FUBP3: variants seen among roughly 807,000 people sequenced by gnomAD.
FUBP3 encodes far upstream element binding protein 3, also known as far upstream element-binding protein 3.
FUBP3 carries 28 observed loss-of-function variants against 85.6 expected under a neutral mutation model. The ratio of observed to expected loss-of-function variants is 0.33; its 90% CI spans 0.24 to 0.45. FUBP3 has a LOEUF of 0.45. Ranked by LOEUF, FUBP3 falls within the 20% of genes least tolerant of loss-of-function variation. The pLI is 1.00. For synonymous variants in FUBP3, 271 were observed against 271.4 expected (o/e 1.00, Z 0.01); for missense variants, 583 against 755.1 (o/e 0.77, Z 2.67).
intron 10 of FUBP3, 105 bp from the exon 11 acceptor site, chr9:130,623,506 C>T (rs1413829222): frequency 2.7e-6 from 2 of 746,304 alleles, no homozygotes; most frequent in Non-Finnish European, 4.7e-6. Context: ...TCCTGTTGCC[C>T]CTTTTGGCAC....
chr9:130,632,109 C>G, intron 15 of FUBP3, 87 bp downstream of exon 15: 2 of 1,465,974 alleles, frequency 1.4e-6, no homozygotes, highest in Non-Finnish European at 1.9e-6. Context: ...TCCGGTGATG[C>G]TTGGCTGGGG....
intron 8 of FUBP3, among the ~76,000 whole-genome samples, chr9:130,619,520 C>T (rs542082896): frequency 6.6e-6 from 1 of 152,298 alleles, no homozygotes; most frequent in African/African-American, 2.4e-5. Flanking sequence ...GAAACATTAT[C>T]TGGTATCCAG....
chr9:130,612,419 A>T lies in FUBP3; in HGVS notation c.225-37A>T. 1 of 1,365,820 alleles carries T rather than the reference A, an allele frequency of 7.3e-7. No homozygotes were observed. Among genetic ancestry groups the T allele is most frequent in the South Asian group, 1.2e-5 (1 of 83,306 alleles). 84.6% of individuals were successfully genotyped at this position (1,365,820 alleles called of 1,614,324 possible). On this transcript the variant is annotated intron_variant, in intron 3 of 18. Transcript: ENST00000319725. The surrounding 1 kb of genome is among the most constrained non-coding windows in gnomAD (Gnocchi z 4.1). ...ACCTAAAATGGCTGCAAAAGTCTGT[A>T]TTCTGTATTTTTTTCCAAAATGTTC...
chr9:130,586,551 A>G (rs1830345125), intron 1 of FUBP3, among the ~76,000 whole-genome samples: 1 of 151,564 alleles, frequency 6.6e-6, no homozygotes, highest in Non-Finnish European at 1.5e-5. Flanking sequence ...ACACCCAGCT[A>G]ATAAGGGCTA....
At chr9:130,619,523 G>C (rs1318966442) in intron 8 of FUBP3, among the ~76,000 whole-genome samples, 1 of 152,092 alleles carries the variant, frequency 6.6e-6, no homozygotes, top group South Asian at 2.1e-4. Flanking sequence ...ACATTATCTG[G>C]TATCCAGTAC....
At chr9:130,633,826 A>C (rs1830310297) in intron 16 of FUBP3, among the ~76,000 whole-genome samples, 1 of 152,192 alleles carries the variant, frequency 6.6e-6, no homozygotes. Context: ...AGTATGCAGT[A>C]AAGTGAACTA....
At chr9:130,622,615 A>G in intron 9 of FUBP3, 93 bp from the exon 10 acceptor site, 1 of 590,574 alleles carries the variant, frequency 1.7e-6, no homozygotes, top group Non-Finnish European at 3.0e-6. Context: ...TGGGCAACAG[A>G]GCGAGACTCA....
rs567073517 is a variant in FUBP3 at position 130,632,378 on chromosome 9, C to A, written c.1510+100C>A. On this transcript the variant is annotated intron_variant, in intron 16 of 18. Transcript: ENST00000319725. Reference sequence around the variant, plus strand: ...CCTCGTTCAACTCAGCCAGCAGGCCCAGGATGCCCCTCCCCAAATGACAAG... The same window carrying A: ...CCTCGTTCAACTCAGCCAGCAGGCCAAGGATGCCCCTCCCCAAATGACAAG... The A allele has an allele frequency of 2.8e-5, 24 of 852,972 alleles. No homozygotes were observed. In the South Asian group the frequency reaches 3.2e-4, roughly 11 times the overall value. The allele number at this position is 852,972 out of a possible 1,614,324, so 52.8% of individuals were successfully genotyped here.
At chr9:130,631,517 C>G (rs916736820) in intron 13 of FUBP3, 40 bp from the exon 14 acceptor site, 1 of 1,557,866 alleles carries the variant, frequency 6.4e-7, no homozygotes, top group Non-Finnish European at 8.9e-7. Context: ...AAGAGGTGTG[C>G]AACCAACAGC....
intron 14 of FUBP3, 121 bp from the exon 15 acceptor site, chr9:130,631,821 C>T: frequency 1.2e-6 from 1 of 850,100 alleles, no homozygotes; most frequent in Non-Finnish European, 2.0e-6. Context: ...GGGGTGGGAG[C>T]CTCTCAGAGG....
At position 130,598,343 on chromosome 9, in the gene FUBP3, A is replaced by C. The variant is rs146827750; in HGVS notation, c.190+2755A>C. Among the ~76,000 whole-genome samples, 837 of 152,358 alleles carry C rather than the reference A, an allele frequency of 5.5e-3. 10 individuals are homozygous for C. Among genetic ancestry groups the C allele is most frequent in the African/African-American group, 0.019 (786 of 41,580 alleles). ...AAGTTTTAACCCTTCAGCGCCAGGC[A>C]GTGGGTGAAAAAAACAAGGCTGAAT... is the stretch of plus-strand genomic sequence containing the variant. On this transcript the variant is annotated intron_variant, in intron 2 of 18. Coordinates refer to ENST00000319725, the MANE Select transcript of FUBP3 (RefSeq NM_003934.2).
At chr9:130,584,977 T>A (rs1181214661) in intron 1 of FUBP3, among the ~76,000 whole-genome samples, 1 of 152,094 alleles carries the variant, frequency 6.6e-6, no homozygotes, top group Non-Finnish European at 1.5e-5. Context: ...CTGGCCAACA[T>A]GGTGAAACCC....
chr9:130,590,611 T>C (rs887643940), intron 1 of FUBP3, among the ~76,000 whole-genome samples: 7 of 152,174 alleles, frequency 4.6e-5, no homozygotes, highest in African/African-American at 1.7e-4. Flanking sequence ...CTGGCTTTTA[T>C]CTCCTGGCCT....
chr9:130,592,641 T>C (rs1340412736), intron 1 of FUBP3, among the ~76,000 whole-genome samples: 2 of 152,172 alleles, frequency 1.3e-5, no homozygotes, highest in African/African-American at 4.8e-5. Flanking sequence ...AAACCCCGGC[T>C]CAAGCAGTCC....
chr9:130,605,645 G>C (rs1831387641), intron 2 of FUBP3, among the ~76,000 whole-genome samples: 1 of 152,212 alleles, frequency 6.6e-6, no homozygotes, highest in Non-Finnish European at 1.5e-5. Context: ...GGCTGGGGGT[G>C]GTGGTCTTTC....
At chr9:130,596,707 A>G in intron 2 of FUBP3, 2 of 419,112 alleles carry the variant, frequency 4.8e-6, no homozygotes, top group South Asian at 3.6e-5. Context: ...TGCAAATCTC[A>G]ATGTCCTGAA....
intron 1 of FUBP3, among the ~76,000 whole-genome samples, chr9:130,593,309 T>C (rs1564193372): frequency 6.6e-6 from 1 of 152,216 alleles, no homozygotes; most frequent in Non-Finnish European, 1.5e-5. Context: ...TGCTGACTCT[T>C]AAGTGCCAGG....
rs1201778277 is a variant in FUBP3 at position 130,579,606 on chromosome 9, C to G, written c.-75C>G. On this transcript the variant is annotated 5_prime_UTR_variant, in exon 1 of 19. Coordinates refer to ENST00000319725, the MANE Select transcript of FUBP3 (RefSeq NM_003934.2). ...TCCGGCTACGGGTCCCCAAGCGGAGCGGGAGGCCGGACCGGGGAGCCGAGC... is the reference window on the plus strand; with the variant it reads ...TCCGGCTACGGGTCCCCAAGCGGAGGGGGAGGCCGGACCGGGGAGCCGAGC... 4 of 926,236 alleles carry G rather than the reference C, an allele frequency of 4.3e-6. No individual in the cohort carries two copies. 57.4% of individuals were successfully genotyped at this position (926,236 alleles called of 1,614,324 possible).
intron 11 of FUBP3, among the ~76,000 whole-genome samples, chr9:130,625,170 T>G (rs1829919890): frequency 6.6e-6 from 1 of 152,206 alleles, no homozygotes; most frequent in Non-Finnish European, 1.5e-5. Flanking sequence ...GATCCTGCCA[T>G]TGCATTCCCG....
Sources: gnomAD v4.1 joint callset for allele counts (sites outside exome capture counted in the v4.1 genomes callset) on GRCh38, gnomAD v4.1.1 for gene constraint, Gnocchi (gnomAD v3.1) non-coding constraint, MANE v1.5 for transcripts, NCBI Gene and HGNC (gene_info 2026-07-23, HGNC 2026-07-21) for gene names.